The following PIDD1 variants were observed in gnomAD, a reference collection of about 807,000 sequenced individuals.
PIDD1 encodes p53-induced death domain protein 1.
A neutral mutation model predicts 80.0 loss-of-function variants in PIDD1; 72 were observed. The observed-to-expected ratio is 0.90, with a 90% CI of 0.74 to 1.09. The LOEUF (loss-of-function observed/expected upper bound fraction) is 1.09. Among genes scored for constraint, PIDD1 ranks in the 50% least tolerant of loss-of-function variants. The pLI is 0.00. For missense variants in PIDD1, 1,329 were observed against 1,228.3 expected, an observed-to-expected ratio of 1.08 and a Z score of -1.23; for synonymous variants, 655 against 543.5, an observed-to-expected ratio of 1.21 and a Z score of -2.85.
chr11:804,957 G>C (rs2044450522), intron 1 of PIDD1: 1 of 153,378 alleles, frequency 6.5e-6, no homozygotes, highest in African/African-American at 2.4e-5. Context: ...CTGGGGCCGG[G>C]ACCCCAATTC....
upstream of PIDD1, among the ~76,000 whole-genome samples, chr11:806,470 C>T (rs981465697): frequency 6.6e-6 from 1 of 152,214 alleles, no homozygotes; most frequent in African/African-American, 2.4e-5. Context: ...GCGGCTCCTT[C>T]TTCCTTCCAT....
chr11:808,722 A>G (rs972757774), upstream of PIDD1, among the ~76,000 whole-genome samples: 3 of 152,180 alleles, frequency 2.0e-5, no homozygotes, highest in Admixed American at 1.3e-4. Flanking sequence ...GAAAAGTCCC[A>G]TTGTTCCCAA....
chr11:804,104 C>G lies in PIDD1; in HGVS notation c.285G>C (p.Leu95=). ...ACAGGTGGAACTCACCTTTGAGGAC[C>G]AGGGAGCGGAGGCAGGACAGGCTCT... The part of the protein sequence containing the change: ...LPQSLSCLRS[L]VLKGGQRRDT... The change falls in exon 2 of 16, where the codon CTG becomes CTC. Residue 95 remains leucine, a synonymous_variant. Transcript: ENST00000347755. 1 of 1,609,002 alleles carries G rather than the reference C, an allele frequency of 6.2e-7. No individual in the cohort carries two copies. Among genetic ancestry groups the G allele is most frequent in the Non-Finnish European group, 8.5e-7 (1 of 1,176,788 alleles).
rs1338249064 is a variant in PIDD1, at chr11:801,218, C to T, written c.1630G>A (p.Gly544Ser). The change falls in exon 9 of 16, where the codon GGC becomes AGC. Residue 544 changes from glycine to serine, a missense_variant and splice_region_variant. Transcript: ENST00000347755. Reference sequence around the variant, plus strand: ...GGTATGCCCCATGGCTGCCTCTCACCTGTGATGCCAGAGGGCAGAGGCAGC... The same window carrying T: ...GGTATGCCCCATGGCTGCCTCTCACTTGTGATGCCAGAGGGCAGAGGCAGC... ...VQLPLPSGITGLSLDRSRLHL... is the reference protein window; with the variant it reads ...VQLPLPSGITSLSLDRSRLHL... 6.4e-7 allele frequency: 1 copy of T among 1,550,392 alleles called. No homozygotes were observed. Among genetic ancestry groups the T allele is most frequent in the Admixed American group, 1.9e-5 (1 of 53,420 alleles).
chr11:799,618 C>G (rs956399457), intron 15 of PIDD1, 53 bp from the exon 16 acceptor site: 57 of 1,528,688 alleles, frequency 3.7e-5, no homozygotes, highest in Non-Finnish European at 5.0e-5. Flanking sequence ...CCCAGGACCC[C>G]CCACCACACT....
In PIDD1 at chr11:804,159, A is replaced by T. The variant is rs1325769019; in HGVS notation, c.230T>A (p.Leu77Gln). The change falls in exon 2 of 16, where the codon CTG becomes CAG. Residue 77 changes from leucine to glutamine, a missense_variant. Physicochemically the swap from Leu to Gln is moderately radical, Grantham distance 113 (BLOSUM62 -2). Coordinates refer to ENST00000347755, the MANE Select transcript of PIDD1 (RefSeq NM_145886.4). The stretch of plus-strand genomic sequence containing the variant: ...CAGCTGGGCCAGGGTGGCCTCCAGC[A>T]GCTGAGGGTCCTCGTGAGTGCTCAG... ...LRLSTHEDPQLLEATLAQLPQ... is the reference protein window; with the variant it reads ...LRLSTHEDPQQLEATLAQLPQ... 6.2e-7 allele frequency: 1 copy of T among 1,613,354 alleles called. No homozygotes were observed. The highest frequency in any genetic ancestry group is 1.6e-4 in the Middle Eastern group (1 of 6,062).
intron 15 of PIDD1, 35 bp downstream of exon 15, chr11:799,780 T>C (rs1322069902): frequency 2.7e-6 from 4 of 1,498,404 alleles, no homozygotes; most frequent in South Asian, 1.3e-5. Flanking sequence ...GGCTCAGCCC[T>C]GGGGCTGGCA....
intron 15 of PIDD1, 27 bp downstream of exon 15, chr11:799,779 CTGGGGCTGG>C: frequency 6.7e-7 from 1 of 1,499,478 alleles, no homozygotes; most frequent in African/African-American, 1.4e-5. Flanking sequence ...GGGCTCAGCC[CTGGGGCTGG>C]CAGCCAGCGG....
At chr11:805,808 G>T, upstream of PIDD1, 1 of 483,766 alleles carries the variant, frequency 2.1e-6, no homozygotes, top group Non-Finnish European at 2.7e-6. Flanking sequence ...GGCGTTAAGA[G>T]ATAAAATATT....
At position 804,299 on chromosome 11, in the gene PIDD1, C is replaced by T. The variant is rs1298885936; in HGVS notation, c.90G>A (p.Leu30=). ...TCAGCCGGTTGCCGCCCAGGAAAGG[C>T]AGCGCCCTGGACCCTGCGTCCGAAT... ...SEDSDAGSRA[L]PFLGGNRLSL... is the part of the protein sequence containing the mutation. The change falls in exon 2 of 16, where the codon CTG becomes CTA. Residue 30 remains leucine (L), a synonymous_variant. Coordinates refer to ENST00000347755, the MANE Select transcript of PIDD1 (RefSeq NM_145886.4). 6.2e-7 allele frequency: 1 copy of T among 1,612,910 alleles called. No homozygotes were observed. The highest frequency in any genetic ancestry group is 8.5e-7 in the Non-Finnish European group (1 of 1,179,962).
Position 803,488 on chromosome 11 carries a change from A to T in PIDD1, c.395T>A (p.Leu132Gln). 4 of 1,611,588 alleles carry T rather than the reference A, an allele frequency of 2.5e-6. No individual in the cohort carries two copies. The highest frequency in any genetic ancestry group is 3.4e-6 in the Non-Finnish European group (4 of 1,178,200). Residue 132 changes from leucine (L) to glutamine (Q), a missense_variant, in exon 3 of 16, where the codon CTG becomes CAG. Transcript: ENST00000347755. ...CAGTGTCTCCAGGCTGTTGAAGCTC[A>T]GGTCCAGGTGGGCCAGATGGGCCAG... Reference protein sequence around the residue: ...SGLAHLAHLDLSFNSLETLPA... With the variant: ...SGLAHLAHLDQSFNSLETLPA...
chr11:802,735 C>A lies in PIDD1; in HGVS notation c.866G>T (p.Arg289Leu). ...PPELLDAPFV[R>L]LQGNPLGEAS... ...CTCACCCAGGGGGTTCCCCTGCAGG[C>A]GCACAAAGGGGGCGTCTAGCAGCTC... Residue 289 changes from arginine (R) to leucine (L), a missense_variant, in exon 4 of 16, where the codon CGC (arginine) becomes CTC (leucine). Arg to Leu is a moderately radical substitution (Grantham distance 102). Transcript: ENST00000347755. The A allele has an allele frequency of 3.1e-6, 5 of 1,611,636 alleles. No individual in the cohort carries two copies. The highest frequency in any genetic ancestry group is 4.2e-6 in the Non-Finnish European group (5 of 1,179,402).
upstream of PIDD1, among the ~76,000 whole-genome samples, chr11:807,638 G>C (rs548621453): frequency 1.3e-5 from 2 of 152,108 alleles, no homozygotes; most frequent in South Asian, 4.2e-4. Context: ...TTAGCCGGGC[G>C]CGGTAGCAGG....
In PIDD1 at chr11:799,453, G is replaced by A. The variant is rs1224174574; in HGVS notation, c.2587C>T (p.Gln863Ter). The A allele has an allele frequency of 1.2e-6, 2 of 1,610,414 alleles. No individual in the cohort carries two copies. The highest frequency in any genetic ancestry group is 2.2e-5 in the South Asian group (2 of 91,082). ...LVQALEQSDR[Q>*]DVAEEVRAVL... ...GCGCGCACCTCTTCAGCCACGTCCT[G>A]CCGGTCACTCTGCTCCAGGGCCTGC... is the stretch of plus-strand genomic sequence containing the variant. The change falls in exon 16 of 16, where the codon CAG (glutamine) becomes TAG (stop). Residue 863 changes from glutamine to a stop codon, truncating the protein, a stop_gained. Transcript: ENST00000347755. LOFTEE classifies it low-confidence loss of function (END_TRUNC).
Position 800,031 on chromosome 11 carries a change from G to C in PIDD1, c.2275-17C>G. The C allele has an allele frequency of 1.2e-6, 2 of 1,611,932 alleles. No individual in the cohort carries two copies. The highest frequency in any genetic ancestry group is 1.7e-6 in the Non-Finnish European group (2 of 1,179,130). On this transcript the variant is annotated splice_polypyrimidine_tract_variant and intron_variant, in intron 14 of 15. Transcript: ENST00000347755. ...TCGAAGTCTCTGTTGGAAGGAAAAA[G>C]TGCATTAAGCCCTGGGCTCCACCCC...
Position 800,365 on chromosome 11 carries a change from G to C in PIDD1, c.2128C>G (p.Leu710Val). The change falls in exon 13 of 16, where the codon CTG becomes GTG. Residue 710 changes from leucine (L) to valine (V), a missense_variant. Physicochemically the swap from Leu to Val is conservative, Grantham distance 32. Transcript: ENST00000347755. ...CGCACAGCCTGAGCCTCCCGGTCCA[G>C]AGTGGTGGTCACGTATACCTCCTTC... ...NVKEVYVTTT[L>V]DREAQAVRGQ... 1 of 1,612,950 alleles carries C rather than the reference G, an allele frequency of 6.2e-7. No homozygotes were observed. The highest frequency in any genetic ancestry group is 1.1e-5 in the South Asian group (1 of 91,090).
chr11:803,992 G>T, intron 2 of PIDD1, 102 bp downstream of exon 2: 1 of 1,321,840 alleles, frequency 7.6e-7, no homozygotes, highest in Non-Finnish European at 1.0e-6. Context: ...GGGAGGGGCG[G>T]CCTGGAGCTG....
chr11:802,658 TGC>T (rs1865462835), intron 4 of PIDD1, 22 bp downstream of exon 4: 1 of 1,607,380 alleles, frequency 6.2e-7, no homozygotes, highest in African/African-American at 1.3e-5. Flanking sequence ...ATCCCAGGTC[TGC>T]CCCTTCTAGC....
chr11:802,595 C>A lies in PIDD1; in HGVS notation c.922G>T (p.Ala308Ser). 1.9e-6 allele frequency: 3 copies of A among 1,613,052 alleles called. No individual in the cohort carries two copies. Among genetic ancestry groups the A allele is most frequent in the Non-Finnish European group, 2.5e-6 (3 of 1,179,626 alleles). Residue 308 changes from alanine to serine, a missense_variant and splice_region_variant, in exon 5 of 16, where the codon GCA (alanine) becomes TCA (serine). Transcript: ENST00000347755. ...CTGGGCATTTCTGGAATGAGGGCTG[C>A]CACTGTGCAGGGGACAGACATGTGC... The part of the protein sequence containing the change: ...ASPDAPSSPV[A>S]ALIPEMPRLF...
Sources: gnomAD v4.1 joint callset for allele counts (sites outside exome capture counted in the v4.1 genomes callset) on GRCh38, gnomAD v4.1.1 for gene constraint, MANE v1.5 for transcripts, NCBI Gene and HGNC (gene_info 2026-07-23, HGNC 2026-07-21) for gene names.